SLC39A12: variants seen among roughly 807,000 people sequenced by gnomAD.
SLC39A12 encodes solute carrier family 39 member 12, also known as zinc transporter ZIP12.
A neutral mutation model predicts 71.1 loss-of-function variants in SLC39A12; 63 were observed. That is an observed-to-expected ratio of 0.89 (90% CI 0.72 to 1.09). The LOEUF is 1.09. SLC39A12 is among the 50% of genes least tolerant of loss of function. The pLI is 0.00. For synonymous variants in SLC39A12, 351 were observed against 301.3 expected (o/e 1.16, Z -1.71); for missense variants, 892 against 812.6 (o/e 1.10, Z -1.19).
intron 12 of SLC39A12, among the ~76,000 whole-genome samples, chr10:18,015,108 G>C (rs979541470): frequency 6.6e-6 from 1 of 152,142 alleles, no homozygotes; most frequent in African/African-American, 2.4e-5. Flanking sequence ...TGATCTCATA[G>C]ATGAGTTTTT....
chr10:17,992,471 G>A (rs74118075), intron 8 of SLC39A12, among the ~76,000 whole-genome samples: 3,577 of 152,276 alleles, frequency 0.023, 121 homozygotes, highest in African/African-American at 0.077. Flanking sequence ...TTGGAAATTA[G>A]GAATGCCAAT....
chr10:17,967,042 T>C (rs1834843975), intron 4 of SLC39A12, among the ~76,000 whole-genome samples: 2 of 152,170 alleles, frequency 1.3e-5, no homozygotes, highest in African/African-American at 4.8e-5. Context: ...TGAATCAGGA[T>C]CAAAATAAAG....
chr10:17,997,988 T>C (rs1835732223), intron 10 of SLC39A12, among the ~76,000 whole-genome samples: 1 of 152,224 alleles, frequency 6.6e-6, no homozygotes, highest in Non-Finnish European at 1.5e-5. Flanking sequence ...ATACTTGTCT[T>C]ATCTTCCACT....
At chr10:18,024,771 C>T (rs1836627779) in intron 12 of SLC39A12, among the ~76,000 whole-genome samples, 1 of 152,182 alleles carries the variant, frequency 6.6e-6, no homozygotes, top group Non-Finnish European at 1.5e-5. Flanking sequence ...TTTTGTCTCA[C>T]ATATTTTAAT....
chr10:17,992,709 T>C (rs1174285903), intron 8 of SLC39A12, among the ~76,000 whole-genome samples: 1 of 152,218 alleles, frequency 6.6e-6, no homozygotes, highest in East Asian at 1.9e-4. Flanking sequence ...ATGTAGAGTT[T>C]ATTCAGATTG....
At chr10:18,029,694 T>A (rs1836782115) in intron 12 of SLC39A12, among the ~76,000 whole-genome samples, 1 of 152,128 alleles carries the variant, frequency 6.6e-6, no homozygotes, top group African/African-American at 2.4e-5. Flanking sequence ...TCCGTAAAAT[T>A]GCTCAATAAC....
At chr10:18,018,842 T>C (rs1564658901) in intron 12 of SLC39A12, among the ~76,000 whole-genome samples, 1 of 152,126 alleles carries the variant, frequency 6.6e-6, no homozygotes, top group African/African-American at 2.4e-5. Flanking sequence ...AGTTGATTCA[T>C]TGGTGTTCTT....
chr10:17,954,767 G>T (rs545466918), intron 2 of SLC39A12, among the ~76,000 whole-genome samples: 1 of 151,952 alleles, frequency 6.6e-6, no homozygotes, highest in African/African-American at 2.4e-5. Flanking sequence ...TAAAACAAAA[G>T]CTAACAACCG....
intron 12 of SLC39A12, among the ~76,000 whole-genome samples, chr10:18,036,788 A>ATTTTTTTTTTTTTTTTTT (rs1319675306): frequency 1.8e-4 from 3 of 17,014 alleles, no homozygotes; most frequent in Non-Finnish European, 2.8e-4. Context: ...ATATATATAT[A>ATTTTTTTTTTTTTTTTTT]TATATATTTT....
At chr10:17,968,836 C>A (rs1406463023) in intron 4 of SLC39A12, among the ~76,000 whole-genome samples, 1 of 152,070 alleles carries the variant, frequency 6.6e-6, no homozygotes, top group African/African-American at 2.4e-5. Context: ...TTAATATTTA[C>A]AATTAAGTTA....
At chr10:18,029,823 T>C (rs1434606326) in intron 12 of SLC39A12, among the ~76,000 whole-genome samples, 2 of 151,212 alleles carry the variant, frequency 1.3e-5, no homozygotes, top group Non-Finnish European at 3.0e-5. Context: ...AAAAATAAAA[T>C]AAATACTCTT....
At chr10:17,996,328 T>C (rs1375979237) in intron 10 of SLC39A12, among the ~76,000 whole-genome samples, 1 of 152,234 alleles carries the variant, frequency 6.6e-6, no homozygotes, top group Admixed American at 6.5e-5. Flanking sequence ...TGTTTCTGAA[T>C]AATTCTTGAA....
chr10:18,033,001 G>A (rs375451931), intron 12 of SLC39A12, among the ~76,000 whole-genome samples: 5 of 151,352 alleles, frequency 3.3e-5, no homozygotes, highest in South Asian at 2.1e-4. Flanking sequence ...GGATGAAGCC[G>A]ACTTGATCAT....
intron 12 of SLC39A12, among the ~76,000 whole-genome samples, chr10:18,012,306 T>C (rs1041158912): frequency 6.6e-6 from 1 of 152,162 alleles, no homozygotes; most frequent in African/African-American, 2.4e-5. Context: ...CCTCAGAAGA[T>C]TGTTAAAAGC....
rs1554855475 is a variant in SLC39A12 at position 18,036,794 on chromosome 10, A to ATATTTTTTT, written c.1948-5910_1948-5909insATTTTTTTT. On this transcript the variant is annotated intron_variant, in intron 12 of 12. Coordinates refer to ENST00000377369, the MANE Select transcript of SLC39A12 (RefSeq NM_001145195.2). ...TATATATATATATATATATATATAT[A>ATATTTTTTT]TTTTTTTTTTTAATGGAATCTCACT... 2.7e-4 allele frequency among the ~76,000 whole-genome samples: 25 copies of ATATTTTTTT among 92,830 alleles called. 1 individual carries two copies. Among genetic ancestry groups the ATATTTTTTT allele is most frequent in the Admixed American group, 4.4e-4 (3 of 6,892 alleles). 60.9% of individuals were successfully genotyped at this position (92,830 alleles called of 152,430 possible). A position where few individuals can be genotyped will look rare whatever the true frequency, so the allele number is the denominator to read the frequency against.
chr10:18,021,048 C>T (rs1836519904), intron 12 of SLC39A12, among the ~76,000 whole-genome samples: 1 of 152,040 alleles, frequency 6.6e-6, no homozygotes, highest in Non-Finnish European at 1.5e-5. Context: ...TTTGCCAAGA[C>T]TGATATCCAG....
Position 18,040,546 on chromosome 10 carries a change from G to T in SLC39A12, c.1948-2159G>T, listed in dbSNP as rs545403389. Reference sequence around the variant, plus strand: ...GCACTTTAGGAGGCCAAGGCAGGTGGATCACCTGAGGTCAGGAGTTCAAGA... The same window carrying T: ...GCACTTTAGGAGGCCAAGGCAGGTGTATCACCTGAGGTCAGGAGTTCAAGA... On this transcript the variant is annotated intron_variant, in intron 12 of 12. Transcript: ENST00000377369. Among the ~76,000 whole-genome samples, 3 of 152,224 alleles carry T rather than the reference G, an allele frequency of 2.0e-5. No individual in the cohort carries two copies. The South Asian group carries it at 6.2e-4, about 32-fold the overall frequency.
chr10:17,991,017 A>T (rs1283153287), intron 7 of SLC39A12, 134 bp from the exon 8 acceptor site: 2 of 882,064 alleles, frequency 2.3e-6, no homozygotes, highest in Non-Finnish European at 3.2e-6. Flanking sequence ...TAGTGATTGT[A>T]TTAATAGTTG....
rs781868690 is a variant in SLC39A12, at chr10:17,961,829, C to G, written c.510C>G (p.Phe170Leu). 8 of 1,613,964 alleles carry G rather than the reference C, an allele frequency of 5.0e-6. No individual in the cohort carries two copies. In the Admixed American group the frequency reaches 1.3e-4, roughly 27 times the overall value. Residue 170 changes from phenylalanine (F) to leucine (L), a missense_variant, in exon 3 of 13, where the codon TTC becomes TTG. Physicochemically the swap from Phe to Leu is conservative, Grantham distance 22. Transcript: ENST00000377369. ...ATGAGACAGAAGATATCTTGGCTTT[C>G]ACCAGGCAGTACTTTGACACTTCTC... ...SQNETEDILA[F>L]TRQYFDTSQS...
Sources: allele counts gnomAD v4.1 joint callset (sites outside exome capture counted in the v4.1 genomes callset), GRCh38; gene constraint gnomAD v4.1.1; transcripts MANE v1.5; gene names NCBI Gene and HGNC (gene_info 2026-07-23, HGNC 2026-07-21).